Variants in RPH3A observed in about 807,000 individuals in gnomAD.
RPH3A encodes the protein rabphilin 3A, also known as rabphilin-3A.
Under a neutral mutation model 102.2 loss-of-function variants are expected in RPH3A, and 48 were observed. The ratio of observed to expected loss-of-function variants is 0.47; its 90% CI spans 0.37 to 0.60. RPH3A has a LOEUF of 0.60. RPH3A is among the 20% of genes least tolerant of loss of function. RPH3A has a pLI of 0.00. For missense variants in RPH3A, 781 were observed against 910.1 expected (o/e 0.86, Z 1.83); for synonymous variants, 310 against 324.3 (o/e 0.96, Z 0.47).
intron 1 of RPH3A, among the ~76,000 whole-genome samples, chr12:112,672,729 C>T (rs1302269432): frequency 7.9e-5 from 12 of 152,240 alleles, no homozygotes; most frequent in African/African-American, 1.9e-4. Context: ...TGGAAGTAGC[C>T]GTCAGACAGA....
At position 112,875,081 on chromosome 12, in the gene RPH3A, C is replaced by A; in HGVS notation, c.797-3C>A. 6.2e-7 allele frequency: 1 copy of A among 1,605,006 alleles called. No individual in the cohort carries two copies. Among genetic ancestry groups the A allele is most frequent in the South Asian group, 1.1e-5 (1 of 89,314 alleles). Reference sequence around the variant, plus strand: ...TGGCTGTTTTCTTTTCTTTCCTCTGCAGGTTTGAGACGGGCCAACTCAGTC... The same window carrying A: ...TGGCTGTTTTCTTTTCTTTCCTCTGAAGGTTTGAGACGGGCCAACTCAGTC... On this transcript the variant is annotated splice_region_variant and splice_polypyrimidine_tract_variant and intron_variant, in intron 10 of 21. Transcript: ENST00000389385.
At chr12:112,836,632 A>T (rs1409462723) in intron 4 of RPH3A, 130 bp downstream of exon 4, 1 of 360,940 alleles carries the variant, frequency 2.8e-6, no homozygotes, top group African/African-American at 2.1e-5. Context: ...ACATTTTTTT[A>T]AAAAGCTAAG....
At chr12:112,890,510 C>CAG (rs1387862020) in intron 18 of RPH3A, among the ~76,000 whole-genome samples, 1 of 152,194 alleles carries the variant, frequency 6.6e-6, no homozygotes, top group African/African-American at 2.4e-5. Flanking sequence ...AGTCTGAGAT[C>CAG]AGAGGCAAGA....
intron 1 of RPH3A, among the ~76,000 whole-genome samples, chr12:112,692,598 G>C (rs2040314780): frequency 6.6e-6 from 1 of 152,062 alleles, no homozygotes; most frequent in Admixed American, 6.5e-5. Flanking sequence ...GACAGAGCCT[G>C]GGGGTGAACA....
At chr12:112,684,994 G>A (rs944677522) in intron 1 of RPH3A, among the ~76,000 whole-genome samples, 3 of 152,228 alleles carry the variant, frequency 2.0e-5, no homozygotes, top group Non-Finnish European at 2.9e-5. Context: ...CACCTAGGCT[G>A]TAGTGAAGTG....
chr12:112,616,911 A>C (rs1451298207), intron 1 of RPH3A, among the ~76,000 whole-genome samples: 1 of 152,192 alleles, frequency 6.6e-6, no homozygotes, highest in Admixed American at 6.5e-5. Context: ...GGGAGAACAG[A>C]CTTTATCGAG....
intron 1 of RPH3A, among the ~76,000 whole-genome samples, chr12:112,692,594 G>T (rs1187385977): frequency 6.6e-6 from 1 of 152,072 alleles, no homozygotes; most frequent in East Asian, 1.9e-4. Flanking sequence ...AAGTGACAGA[G>T]CCTGGGGGTG....
At chr12:112,723,789 G>A (rs1355780588) in intron 1 of RPH3A, among the ~76,000 whole-genome samples, 2 of 152,164 alleles carry the variant, frequency 1.3e-5, no homozygotes, top group Non-Finnish European at 2.9e-5. Context: ...AATAGAAGGT[G>A]GCTACAAAAT....
chr12:112,695,471 A>G (rs954616704), intron 1 of RPH3A, among the ~76,000 whole-genome samples: 1 of 152,242 alleles, frequency 6.6e-6, no homozygotes, highest in Admixed American at 6.5e-5. Flanking sequence ...AGGTTGATCA[A>G]TAAAGGAGGA....
intron 14 of RPH3A, among the ~76,000 whole-genome samples, chr12:112,880,141 G>A (rs573305079): frequency 6.6e-6 from 1 of 152,246 alleles, no homozygotes; most frequent in African/African-American, 2.4e-5. Context: ...CTTTGCCCAA[G>A]TCACTTTTTT....
chr12:112,854,574 C>T (rs144812181), intron 5 of RPH3A, among the ~76,000 whole-genome samples: 128 of 152,288 alleles, frequency 8.4e-4, no homozygotes, highest in South Asian at 6.2e-3. Context: ...ATTATGAATC[C>T]GGGCTGGCTG....
At chr12:112,627,064 T>A (rs967687847) in intron 1 of RPH3A, among the ~76,000 whole-genome samples, 4 of 93,644 alleles carry the variant, frequency 4.3e-5, no homozygotes, top group African/African-American at 1.2e-4. Flanking sequence ...TGTGGTGGGG[T>A]GGGGGGAGGG....
intron 5 of RPH3A, among the ~76,000 whole-genome samples, chr12:112,850,638 C>G (rs1211787085): frequency 3.3e-5 from 5 of 152,232 alleles, no homozygotes; most frequent in Non-Finnish European, 1.5e-5. Context: ...GAGGCAAACC[C>G]AATGCTATTT....
rs928940779 is a variant in RPH3A at position 112,792,123 on chromosome 12, A to T, written c.-139-20A>T. 7 of 152,060 alleles carry T rather than the reference A, an allele frequency of 4.6e-5. No homozygotes were observed. Among genetic ancestry groups the T allele is most frequent in the Non-Finnish European group, 7.4e-5 (5 of 68,020 alleles). The allele number at this position is 152,060 out of a possible 1,614,324, so 9.4% of individuals were successfully genotyped here. On this transcript the variant is annotated intron_variant, in intron 1 of 21. Transcript: ENST00000389385. ...TATTTTGGGAAGAGTAGGAGAGTCA[A>T]ATGAACAATTTTCTTTCAGGCACCT...
intron 1 of RPH3A, among the ~76,000 whole-genome samples, chr12:112,609,254 G>C (rs2039620514): frequency 6.6e-6 from 1 of 152,224 alleles, no homozygotes; most frequent in Admixed American, 6.5e-5. Context: ...TTTATGTAGA[G>C]ATGGGGTTTA....
In RPH3A at chr12:112,593,441, T is replaced by G. The variant is rs184160295; in HGVS notation, c.-140+18122T>G. Among the ~76,000 whole-genome samples the G allele has an allele frequency of 2.1e-3, 322 of 152,292 alleles. 3 individuals are homozygous for G. The highest frequency in any genetic ancestry group is 3.7e-3 in the Non-Finnish European group (254 of 68,018). On this transcript the variant is annotated intron_variant, in intron 1 of 21. Transcript: ENST00000543106. The stretch of plus-strand genomic sequence containing the variant: ...TTAAGCTGGTGGGATTTTGGTGTGT[T>G]TGTTACACAGCAGAACCTAGTCCAT...
intron 4 of RPH3A, among the ~76,000 whole-genome samples, chr12:112,846,541 T>C (rs1025615514): frequency 3.9e-5 from 6 of 152,176 alleles, no homozygotes; most frequent in African/African-American, 1.2e-4. Context: ...GGGAGGAAGA[T>C]GGGTTTTTAA....
chr12:112,895,682 TCCTTGGCCCATAACC>T lies in RPH3A; in HGVS notation c.1858-91_1858-77del, dbSNP rs372128636. 1.5e-3 allele frequency: 1,217 copies of T among 802,096 alleles called. 9 individuals are homozygous for T. In the African/African-American group the frequency reaches 0.018, roughly 12 times the overall value. The allele number at this position is 802,096 out of a possible 1,614,324, so 49.7% of individuals were successfully genotyped here. A position where few individuals can be genotyped will look rare whatever the true frequency, so the allele number is the denominator to read the frequency against. On this transcript the variant is annotated intron_variant, in intron 20 of 21. Transcript: ENST00000389385. ...CCCAGAATGCCAGCTCAAGGACCTC[TCCTTGGCCCATAACC>T]CCTAGGACTCGGCCTCTTACCTCCC... is the stretch of plus-strand genomic sequence containing the variant.
chr12:112,866,789 C>A lies in RPH3A; in HGVS notation c.393C>A (p.Asn131Lys). The change falls in exon 7 of 22, where the codon AAC (asparagine) becomes AAA (lysine). Residue 131 changes from asparagine to lysine, a missense_variant. Asn to Lys is a moderately conservative substitution (Grantham distance 94). Coordinates refer to ENST00000389385, the MANE Select transcript of RPH3A (RefSeq NM_001143854.2). ...NVCTKCGVETNNRLHSVWLCK... is the reference protein window; with the variant it reads ...NVCTKCGVETKNRLHSVWLCK... Reference sequence around the variant, plus strand: ...GCACCAAGTGCGGAGTGGAGACCAACAACCGCCTGCATTCTGTGTGGCTCT... The same window carrying A: ...GCACCAAGTGCGGAGTGGAGACCAAAAACCGCCTGCATTCTGTGTGGCTCT... 1 of 1,610,386 alleles carries A rather than the reference C, an allele frequency of 6.2e-7. No homozygotes were observed. The highest frequency in any genetic ancestry group is 2.2e-5 in the East Asian group (1 of 44,860).
Sources: gnomAD v4.1 joint callset for allele counts (sites outside exome capture counted in the v4.1 genomes callset) on GRCh38, gnomAD v4.1.1 for gene constraint, MANE v1.5 for transcripts, NCBI Gene and HGNC (gene_info 2026-07-23, HGNC 2026-07-21) for gene names.